The following ZFP1 variants were observed in gnomAD, a reference collection of about 807,000 sequenced individuals.
ZFP1 encodes ZFP1 zinc finger protein.
In ZFP1, 32 loss-of-function variants were observed where a neutral mutation model predicts 38.5. The observed-to-expected ratio is 0.83, with a 90% CI of 0.63 to 1.12. The LOEUF (loss-of-function observed/expected upper bound fraction) is 1.12. Among genes scored for constraint, ZFP1 ranks in the 50% most tolerant of loss-of-function variants. The pLI, the probability that ZFP1 is intolerant of heterozygous loss-of-function variation, is 0.00. For synonymous variants in ZFP1, 245 were observed against 168.8 expected, an observed-to-expected ratio of 1.45 and a Z score of -3.50; for missense variants, 616 against 480.8, an observed-to-expected ratio of 1.28 and a Z score of -2.63.
the ZFP1 span, among the ~76,000 whole-genome samples, chr16:75,135,192 A>G: frequency 7.9e-6 from 1 of 126,678 alleles, no homozygotes; most frequent in African/African-American, 2.9e-5. Context: ...CCTGGGTGAC[A>G]GAGTGAGACC....
At chr16:75,156,097 C>G (rs953653816) in intron 2 of ZFP1, among the ~76,000 whole-genome samples, 26 of 152,142 alleles carry the variant, frequency 1.7e-4, no homozygotes, top group African/African-American at 6.3e-4. Context: ...TACAGCCTTA[C>G]TGGGAGCAAT....
In ZFP1 at chr16:75,161,774, A is replaced by ATAT. The variant is rs1555523101; in HGVS notation, c.16-4995_16-4994insATT. Among the ~76,000 whole-genome samples, 31 of 7,828 alleles carry ATAT rather than the reference A, an allele frequency of 4.0e-3. 4 individuals carry two copies. The highest frequency in any genetic ancestry group is 5.8e-3 in the Non-Finnish European group (21 of 3,602). 5.1% of individuals were successfully genotyped at this position (7,828 alleles called of 152,430 possible). Reference sequence around the variant, plus strand: ...TTTTATGAAATATATATATATATATATTTTTTTTTTTTTTTTTTTTTTTTT... The same window carrying ATAT: ...TTTTATGAAATATATATATATATATATATTTTTTTTTTTTTTTTTTTTTTTTTT... On this transcript the variant is annotated intron_variant, in intron 2 of 3. Coordinates refer to ENST00000570010, the MANE Select transcript of ZFP1 (RefSeq NM_153688.4).
chr16:75,152,046 T>C (rs1409722783), intron 1 of ZFP1, among the ~76,000 whole-genome samples: 2 of 152,236 alleles, frequency 1.3e-5, no homozygotes, highest in Non-Finnish European at 2.9e-5. Flanking sequence ...GTTTTCTGGC[T>C]TAGTTTCTGA....
At chr16:75,146,720 C>T (rs932699027), upstream of ZFP1, among the ~76,000 whole-genome samples, 1 of 152,108 alleles carries the variant, frequency 6.6e-6, no homozygotes, top group African/African-American at 2.4e-5. Flanking sequence ...AGGAGGATTT[C>T]TTGATCCCAG....
chr16:75,134,102 G>A, the ZFP1 span, among the ~76,000 whole-genome samples: 3,828 of 152,188 alleles, frequency 0.025, 182 homozygotes, highest in African/African-American at 0.088. Context: ...CACCTGGATT[G>A]GGGGACAGGG....
At chr16:75,141,273 G>A in the ZFP1 span, among the ~76,000 whole-genome samples, 1 of 140,656 alleles carries the variant, frequency 7.1e-6, no homozygotes, top group Non-Finnish European at 1.5e-5. Flanking sequence ...TGCAATCTCG[G>A]CTCACTGCAA....
chr16:75,165,070 G>C (rs1209539590), intron 2 of ZFP1, among the ~76,000 whole-genome samples: 2 of 152,132 alleles, frequency 1.3e-5, no homozygotes, highest in Non-Finnish European at 2.9e-5. Context: ...CTCCCAAAGT[G>C]CTGGGATTAC....
chr16:75,149,909 C>G (rs1012748806), intron 1 of ZFP1, among the ~76,000 whole-genome samples: 3 of 151,828 alleles, frequency 2.0e-5, no homozygotes, highest in Admixed American at 6.6e-5. Context: ...TCAAGCAGTC[C>G]TCCTGGCTGG....
intron 2 of ZFP1, among the ~76,000 whole-genome samples, chr16:75,154,223 CAAA>C (rs35006692): frequency 5.1e-4 from 75 of 148,316 alleles, no homozygotes; most frequent in Admixed American, 8.0e-4. Context: ...GACTTTGTCT[CAAA>C]AAAAAAAAAA....
At chr16:75,153,192 G>C (rs564930953) in intron 2 of ZFP1, among the ~76,000 whole-genome samples, 1 of 152,142 alleles carries the variant, frequency 6.6e-6, no homozygotes, top group Non-Finnish European at 1.5e-5. Context: ...TAAATTTTAT[G>C]GACCTTCATA....
chr16:75,169,236 G>T lies in ZFP1; in HGVS notation c.143-17G>T, dbSNP rs373995930. 4 of 1,581,998 alleles carry T rather than the reference G, an allele frequency of 2.5e-6. No individual in the cohort carries two copies. The highest frequency in any genetic ancestry group is 2.6e-6 in the Non-Finnish European group (3 of 1,168,934). On this transcript the variant is annotated splice_polypyrimidine_tract_variant and intron_variant, in intron 3 of 3. Transcript: ENST00000570010. ...AGGCATTGACAAGGTTCTTTTCATT[G>T]TGCTCTCTATTCCTAGAAGTGTGGA...
At chr16:75,126,111 C>T in the ZFP1 span, 2 of 150,652 alleles carry the variant, frequency 1.3e-5, no homozygotes, top group African/African-American at 4.9e-5. Context: ...TGAGTTATCA[C>T]TTTGGTTAAA....
intron 2 of ZFP1, among the ~76,000 whole-genome samples, chr16:75,156,769 A>T (rs2037490380): frequency 6.6e-6 from 1 of 152,230 alleles, no homozygotes; most frequent in African/African-American, 2.4e-5. Context: ...AGTAGATTAA[A>T]GCAGAACACT....
intron 2 of ZFP1, among the ~76,000 whole-genome samples, chr16:75,156,039 A>T (rs2037453385): frequency 6.6e-6 from 1 of 152,152 alleles, no homozygotes; most frequent in South Asian, 2.1e-4. Context: ...AGTGTTAGCT[A>T]AGAAGAAATG....
chr16:75,136,853 A>ACT, the ZFP1 span, among the ~76,000 whole-genome samples: 2 of 151,882 alleles, frequency 1.3e-5, no homozygotes, highest in Admixed American at 1.3e-4. Context: ...CCTGGGCAAC[A>ACT]GAGCAAGACC....
chr16:75,133,929 G>A, the ZFP1 span, among the ~76,000 whole-genome samples: 1,819 of 152,218 alleles, frequency 0.012, 35 homozygotes, highest in African/African-American at 0.04. Context: ...CATGCCTGTA[G>A]CCCCAGCTAC....
rs371653761 is a variant in ZFP1, at chr16:75,171,049, TGAA to T, written c.*717_*719del. ...AATGTGAAATAACCGATCTATAACGTGAAGGAGGCAGACATGAGCTGTACTACT... is the reference window on the plus strand; with the variant it reads ...AATGTGAAATAACCGATCTATAACGTGGAGGCAGACATGAGCTGTACTACT... On this transcript the variant is annotated 3_prime_UTR_variant, in exon 4 of 4. Transcript: ENST00000570010. The T allele has an allele frequency of 6.4e-5, 5 of 77,696 alleles. No individual in the cohort carries two copies. In the East Asian group the frequency reaches 1.6e-3, roughly 25 times the overall value. 4.8% of individuals were successfully genotyped at this position (77,696 alleles called of 1,614,324 possible).
At chr16:75,146,707 G>A (rs184254770), upstream of ZFP1, among the ~76,000 whole-genome samples, 16 of 152,256 alleles carry the variant, frequency 1.1e-4, no homozygotes, top group African/African-American at 3.9e-4. Flanking sequence ...GGGAGGCCAA[G>A]GCAGGAGGAT....
At chr16:75,151,662 C>T (rs1286933897) in intron 1 of ZFP1, among the ~76,000 whole-genome samples, 1 of 152,168 alleles carries the variant, frequency 6.6e-6, no homozygotes, top group Non-Finnish European at 1.5e-5. Flanking sequence ...AGAATATTGA[C>T]ATATGCTGTA....
Sources: allele counts gnomAD v4.1 joint callset (sites outside exome capture counted in the v4.1 genomes callset), GRCh38; gene constraint gnomAD v4.1.1; transcripts MANE v1.5; gene names NCBI Gene and HGNC (gene_info 2026-07-23, HGNC 2026-07-21).